The following PLPPR1 variants were observed in gnomAD, a reference collection of about 807,000 sequenced individuals.
PLPPR1 encodes the protein phospholipid phosphatase related 1, also known as phospholipid phosphatase-related protein type 1.
In PLPPR1, 10 loss-of-function variants were observed where a neutral mutation model predicts 33.1. The ratio of observed to expected loss-of-function variants is 0.30; its 90% confidence interval spans 0.19 to 0.51. The LOEUF (loss-of-function observed/expected upper bound fraction) is 0.51, where lower values mean the gene tolerates loss of function less well. Ranked by LOEUF, PLPPR1 falls within the 20% of genes least tolerant of loss-of-function variation. The pLI, the probability that PLPPR1 is intolerant of heterozygous loss-of-function variation, is 0.97. For synonymous variants in PLPPR1, 151 were observed against 151.0 expected (o/e 1.00, Z 0.00); for missense variants, 304 against 408.1 (o/e 0.74, Z 2.20).
At chr9:101,066,655 C>T (rs1830419148) in intron 1 of PLPPR1, among the ~76,000 whole-genome samples, 1 of 152,012 alleles carries the variant, frequency 6.6e-6, no homozygotes, top group Non-Finnish European at 1.5e-5. Flanking sequence ...ATTGGGAGTG[C>T]TTTCAGTTGG....
intron 1 of PLPPR1, among the ~76,000 whole-genome samples, chr9:101,066,267 T>C (rs938354268): frequency 3.9e-5 from 6 of 152,092 alleles, no homozygotes; most frequent in Non-Finnish European, 8.8e-5. Flanking sequence ...CCATGTCTCA[T>C]ATCAAGAGCA....
At position 101,269,563 on chromosome 9, in the gene PLPPR1, A is replaced by G. The variant is rs79104502; in HGVS notation, c.64-317A>G. ...CTTTTCACCTCTGTCCTAAATGGCTATAGTGCCTTGGTTCCCGTGCATACT... is the reference window on the plus strand; with the variant it reads ...CTTTTCACCTCTGTCCTAAATGGCTGTAGTGCCTTGGTTCCCGTGCATACT... On this transcript the variant is annotated intron_variant, in intron 2 of 7. Transcript: ENST00000374874. Among the ~76,000 whole-genome samples, 450 of 152,302 alleles carry G rather than the reference A, an allele frequency of 3.0e-3. 3 individuals carry two copies. The highest frequency in any genetic ancestry group is 0.01 in the African/African-American group (419 of 41,576).
chr9:101,305,524 G>T (rs530167747), intron 4 of PLPPR1, among the ~76,000 whole-genome samples: 1 of 152,158 alleles, frequency 6.6e-6, no homozygotes, highest in East Asian at 1.9e-4. Flanking sequence ...CAGACTTTCC[G>T]GGCCTAAAAG....
intron 1 of PLPPR1, among the ~76,000 whole-genome samples, chr9:101,180,021 T>C (rs540785998): frequency 6.7e-6 from 1 of 148,790 alleles, no homozygotes; most frequent in Non-Finnish European, 1.5e-5. Context: ...CTGGCTCTCG[T>C]TGCTCCTCAG....
At chr9:101,030,704 C>G (rs932361389) in intron 1 of PLPPR1, among the ~76,000 whole-genome samples, 3 of 151,920 alleles carry the variant, frequency 2.0e-5, no homozygotes, top group Non-Finnish European at 4.4e-5. Context: ...AGCTCAGATC[C>G]AGTACTTATG....
At chr9:101,271,608 C>T (rs1828103519) in intron 3 of PLPPR1, among the ~76,000 whole-genome samples, 1 of 152,190 alleles carries the variant, frequency 6.6e-6, no homozygotes, top group Admixed American at 6.5e-5. Context: ...CAATGTGACA[C>T]ACTCCACACC....
At chr9:101,174,474 C>T (rs1825990238) in intron 1 of PLPPR1, among the ~76,000 whole-genome samples, 1 of 152,132 alleles carries the variant, frequency 6.6e-6, no homozygotes, top group South Asian at 2.1e-4. Flanking sequence ...CAAGGCTGGG[C>T]AGAAAGGCCC....
chr9:101,079,074 C>G (rs533426482), intron 1 of PLPPR1, among the ~76,000 whole-genome samples: 7 of 152,146 alleles, frequency 4.6e-5, no homozygotes, highest in African/African-American at 9.7e-5. Flanking sequence ...GAAATGCCAT[C>G]CTCCCTACCA....
chr9:101,227,908 G>C (rs948484194), intron 2 of PLPPR1, among the ~76,000 whole-genome samples: 1 of 152,012 alleles, frequency 6.6e-6, no homozygotes, highest in Non-Finnish European at 1.5e-5. Context: ...TCCCAAAGTA[G>C]CTGGGATTAC....
intron 3 of PLPPR1, among the ~76,000 whole-genome samples, chr9:101,274,878 C>T (rs976259469): frequency 6.6e-6 from 1 of 152,166 alleles, no homozygotes; most frequent in Non-Finnish European, 1.5e-5. Flanking sequence ...TCAGTTTCCT[C>T]ATCTGTACCC....
intron 1 of PLPPR1, among the ~76,000 whole-genome samples, chr9:101,114,813 T>A (rs928734575): frequency 6.6e-6 from 1 of 152,078 alleles, no homozygotes; most frequent in African/African-American, 2.4e-5. Context: ...CAGCGAGGGG[T>A]TACTGTTTCT....
intron 1 of PLPPR1, among the ~76,000 whole-genome samples, chr9:101,083,235 G>C (rs1328065922): frequency 6.6e-6 from 1 of 151,554 alleles, no homozygotes; most frequent in African/African-American, 2.4e-5. Flanking sequence ...CTTGGCTCAA[G>C]GCAACCTCCG....
At chr9:101,074,727 G>T (rs1830516565) in intron 1 of PLPPR1, among the ~76,000 whole-genome samples, 1 of 151,974 alleles carries the variant, frequency 6.6e-6, no homozygotes, top group African/African-American at 2.4e-5. Flanking sequence ...CCGAGAGAAT[G>T]GTGTATGAGT....
At position 101,201,650 on chromosome 9, in the gene PLPPR1, C is replaced by A. The variant is rs535389561; in HGVS notation, c.63+16093C>A. ...TTTAAGGTGCCTAGAACCTGGCAGG[C>A]TACATTCTCAGTAATCATTAGCTTA... On this transcript the variant is annotated intron_variant, in intron 2 of 7. Coordinates refer to ENST00000374874, the MANE Select transcript of PLPPR1 (RefSeq NM_207299.2). Among the ~76,000 whole-genome samples the A allele has an allele frequency of 1.2e-4, 18 of 152,266 alleles. 1 individual carries two copies. In the South Asian group the frequency reaches 3.7e-3, roughly 32 times the overall value.
intron 6 of PLPPR1, among the ~76,000 whole-genome samples, chr9:101,313,201 G>T (rs910833456): frequency 2.0e-5 from 3 of 152,140 alleles, no homozygotes; most frequent in African/African-American, 7.2e-5. Context: ...GGAGAGAATT[G>T]CCCCTAGAAG....
chr9:101,140,745 TGTG>T (rs1342464266), intron 1 of PLPPR1, among the ~76,000 whole-genome samples: 3 of 152,170 alleles, frequency 2.0e-5, no homozygotes, highest in African/African-American at 7.2e-5. Flanking sequence ...GCCAATGAGT[TGTG>T]GGGAGGATGA....
intron 1 of PLPPR1, chr9:101,131,519 A>G (rs2118613461): frequency 6.6e-6 from 1 of 152,344 alleles, no homozygotes. Flanking sequence ...AGGGAAGTAG[A>G]AGCAGAAAGT....
intron 1 of PLPPR1, among the ~76,000 whole-genome samples, chr9:101,162,683 G>A (rs552886027): frequency 6.6e-6 from 1 of 152,180 alleles, no homozygotes; most frequent in Non-Finnish European, 1.5e-5. Flanking sequence ...TTTGATTTTT[G>A]TTTTCTGGGT....
chr9:101,291,391 C>A (rs566669729), intron 4 of PLPPR1, among the ~76,000 whole-genome samples: 1 of 152,228 alleles, frequency 6.6e-6, no homozygotes, highest in South Asian at 2.1e-4. Context: ...CAGCGGTAAC[C>A]TCTGCAGACT....
Sources: gnomAD v4.1 joint callset for allele counts (sites outside exome capture counted in the v4.1 genomes callset) on GRCh38, gnomAD v4.1.1 for gene constraint, MANE v1.5 for transcripts, NCBI Gene and HGNC (gene_info 2026-07-23, HGNC 2026-07-21) for gene names.